Variants in AGBL4 observed in about 807,000 individuals in gnomAD.
The protein encoded by AGBL4 is AGBL carboxypeptidase 4, also known as cytosolic carboxypeptidase 6.
Under a neutral mutation model 66.4 loss-of-function variants are expected in AGBL4, and 58 were observed. The observed-to-expected ratio is 0.87, with a 90% confidence interval of 0.71 to 1.09. The LOEUF is 1.09. Among genes scored for constraint, AGBL4 ranks in the 50% least tolerant of loss-of-function variants. AGBL4 has a pLI of 0.00. For missense variants in AGBL4, 579 were observed against 631.0 expected (o/e 0.92, Z 0.88); for synonymous variants, 234 against 222.9 (o/e 1.05, Z -0.44).
At chr1:49,074,771 G>A (rs996109947) in intron 4 of AGBL4, among the ~76,000 whole-genome samples, 1 of 152,168 alleles carries the variant, frequency 6.6e-6, no homozygotes, top group Non-Finnish European at 1.5e-5. Context: ...AAGGGAGATT[G>A]AGCTAACATC....
chr1:48,764,433 T>C (rs138532734), intron 6 of AGBL4, among the ~76,000 whole-genome samples: 2 of 152,064 alleles, frequency 1.3e-5, no homozygotes, highest in African/African-American at 4.8e-5. Flanking sequence ...ATTTAAAGGA[T>C]GGTAAGAATC....
intron 2 of AGBL4, among the ~76,000 whole-genome samples, chr1:49,703,108 A>G (rs1647131609): frequency 6.6e-6 from 1 of 152,140 alleles, no homozygotes; most frequent in African/African-American, 2.4e-5. Flanking sequence ...GCCAGAAAAA[A>G]AAGCATTCAT....
chr1:49,090,786 C>A (rs1644989302), intron 4 of AGBL4, among the ~76,000 whole-genome samples: 1 of 152,106 alleles, frequency 6.6e-6, no homozygotes, highest in African/African-American at 2.4e-5. Context: ...CCAAGGCAAT[C>A]CTAAGCAAAA....
intron 11 of AGBL4, among the ~76,000 whole-genome samples, chr1:48,550,602 G>T (rs1443178986): frequency 6.6e-6 from 1 of 152,068 alleles, no homozygotes; most frequent in African/African-American, 2.4e-5. Flanking sequence ...TAGGTTCTAG[G>T]GATCAGGAAC....
At chr1:49,362,391 A>G (rs575212154) in intron 3 of AGBL4, among the ~76,000 whole-genome samples, 7 of 151,168 alleles carry the variant, frequency 4.6e-5, no homozygotes, top group African/African-American at 1.7e-4. Flanking sequence ...TATGTGTCAA[A>G]CTTTTCAAAA....
chr1:48,672,141 A>T (rs1239359959), intron 6 of AGBL4, among the ~76,000 whole-genome samples: 1 of 152,278 alleles, frequency 6.6e-6, no homozygotes, highest in Non-Finnish European at 1.5e-5. Context: ...GTTGGCTTTG[A>T]CAAATGACTT....
At chr1:49,198,335 CT>C (rs1199206686) in intron 4 of AGBL4, among the ~76,000 whole-genome samples, 1 of 151,954 alleles carries the variant, frequency 6.6e-6, no homozygotes, top group East Asian at 1.9e-4. Context: ...TTTTATTTTA[CT>C]TTTTTAATTA....
intron 4 of AGBL4, among the ~76,000 whole-genome samples, chr1:49,103,909 C>G (rs954187330): frequency 1.3e-5 from 2 of 152,074 alleles, no homozygotes; most frequent in African/African-American, 4.8e-5. Flanking sequence ...AAAATTGTGT[C>G]GACTCTTTAT....
At chr1:49,933,641 A>G (rs1161943613) in intron 1 of AGBL4, among the ~76,000 whole-genome samples, 2 of 152,148 alleles carry the variant, frequency 1.3e-5, no homozygotes, top group Non-Finnish European at 2.9e-5. Flanking sequence ...TGACAATAAC[A>G]AAGTGTGAGG....
intron 3 of AGBL4, among the ~76,000 whole-genome samples, chr1:49,696,621 C>A (rs993625039): frequency 1.3e-5 from 2 of 151,970 alleles, no homozygotes; most frequent in African/African-American, 4.8e-5. Context: ...CATGTTCAGA[C>A]TTGGGTACCC....
chr1:49,880,751 C>T (rs1267585430), intron 1 of AGBL4, among the ~76,000 whole-genome samples: 1 of 152,082 alleles, frequency 6.6e-6, no homozygotes, highest in Non-Finnish European at 1.5e-5. Flanking sequence ...GGGCGCCCCT[C>T]CCCCAGCCTT....
intron 5 of AGBL4, among the ~76,000 whole-genome samples, chr1:49,023,302 C>G (rs1272123841): frequency 6.6e-6 from 1 of 152,132 alleles, no homozygotes; most frequent in Non-Finnish European, 1.5e-5. Flanking sequence ...GGGCCAGCAA[C>G]TAATGAGGCA....
At chr1:49,072,652 T>A (rs1644630948) in intron 4 of AGBL4, among the ~76,000 whole-genome samples, 1 of 152,180 alleles carries the variant, frequency 6.6e-6, no homozygotes, top group South Asian at 2.1e-4. Context: ...TAACCTGACC[T>A]TTCTCTCTGG....
chr1:48,698,292 G>A (rs1646746509), intron 6 of AGBL4, among the ~76,000 whole-genome samples: 1 of 152,232 alleles, frequency 6.6e-6, no homozygotes, highest in Admixed American at 6.5e-5. Context: ...AGTGGACAGG[G>A]AAAGGTGGTG....
chr1:49,606,422 C>A (rs528048757), intron 3 of AGBL4, among the ~76,000 whole-genome samples: 1 of 152,038 alleles, frequency 6.6e-6, no homozygotes, highest in Admixed American at 6.6e-5. Context: ...AATGCTGCTG[C>A]GATCTTATTT....
intron 1 of AGBL4, among the ~76,000 whole-genome samples, chr1:49,937,465 G>A (rs1340487966): frequency 4.6e-5 from 7 of 151,942 alleles, no homozygotes; most frequent in Non-Finnish European, 7.4e-5. Flanking sequence ...CCCAGGAATT[G>A]AACTCAGCTC....
intron 1 of AGBL4, among the ~76,000 whole-genome samples, chr1:49,856,431 A>T (rs1438781963): frequency 5.9e-5 from 9 of 152,112 alleles, no homozygotes; most frequent in Non-Finnish European, 1.3e-4. Flanking sequence ...AAACAACAAG[A>T]AACAATAAGC....
rs530272922 is a variant in AGBL4 at position 49,939,796 on chromosome 1, T to G, written c.34+83967A>C. 3.6e-4 allele frequency among the ~76,000 whole-genome samples: 55 copies of G among 152,174 alleles called. 1 individual carries two copies. The highest frequency in any genetic ancestry group is 2.5e-3 in the East Asian group (13 of 5,166). ...CATTCAGGACATAGGCATGGGCAAG[T>G]ACTTCATGTCTAAAACACCAAAAGC... On this transcript the variant is annotated intron_variant, in intron 1 of 13. Coordinates refer to ENST00000371839, the MANE Select transcript of AGBL4 (RefSeq NM_032785.4).
At chr1:49,833,171 T>G (rs1299998866) in intron 2 of AGBL4, among the ~76,000 whole-genome samples, 1 of 152,232 alleles carries the variant, frequency 6.6e-6, no homozygotes, top group Non-Finnish European at 1.5e-5. Flanking sequence ...AATTTTTGTA[T>G]AAGGTGTAAG....
Sources: allele counts gnomAD v4.1 joint callset (sites outside exome capture counted in the v4.1 genomes callset), GRCh38; gene constraint gnomAD v4.1.1; transcripts MANE v1.5; gene names NCBI Gene and HGNC (gene_info 2026-07-23, HGNC 2026-07-21).